GRAMD2B: variants seen among roughly 807,000 people sequenced by gnomAD.
The protein encoded by GRAMD2B is GRAM domain-containing protein 2B.
In GRAMD2B, 41 loss-of-function variants were observed where a neutral mutation model predicts 59.2. The ratio of observed to expected loss-of-function variants is 0.69; its 90% CI spans 0.54 to 0.90. The LOEUF (loss-of-function observed/expected upper bound fraction) is 0.90. Among genes scored for constraint, GRAMD2B ranks in the 40% least tolerant of loss-of-function variants. The pLI is 0.00. For missense variants in GRAMD2B, 424 were observed against 500.5 expected (o/e 0.85, Z 1.46); for synonymous variants, 161 against 182.7 (o/e 0.88, Z 0.96).
At chr5:126,374,028 G>A (rs898934153) in intron 1 of GRAMD2B, among the ~76,000 whole-genome samples, 2 of 152,220 alleles carry the variant, frequency 1.3e-5, no homozygotes, top group Non-Finnish European at 2.9e-5. Context: ...ATTTCCAGTT[G>A]TCTGAGCATT....
At chr5:126,371,557 G>A (rs1023727364) in exon 1 of GRAMD2B, 33 of 1,288,528 alleles carry the variant, frequency 2.6e-5, no homozygotes, top group Non-Finnish European at 3.1e-5. Flanking sequence ...CCCCAGCTCG[G>A]TGTTCCTCAG....
Position 126,428,221 on chromosome 5 carries a change from T to C in GRAMD2B, c.83+4532T>C, listed in dbSNP as rs535280747. On this transcript the variant is annotated intron_variant, in intron 1 of 13. Transcript: ENST00000285689. ...CTCCAGCCTGGGCAACATAACAAGA[T>C]CCAGTTCACTTTTCATTATAAACTT... is the stretch of plus-strand genomic sequence containing the variant. Among the ~76,000 whole-genome samples the C allele has an allele frequency of 4.0e-4, 61 of 152,212 alleles. No homozygotes were observed. The South Asian group carries it at 0.012, about 31-fold the overall frequency.
chr5:126,421,445 T>C (rs1489997648), upstream of GRAMD2B, among the ~76,000 whole-genome samples: 1 of 152,062 alleles, frequency 6.6e-6, no homozygotes, highest in Non-Finnish European at 1.5e-5. Context: ...GCATCAGGAA[T>C]GTCCCCAGGA....
At chr5:126,422,917 C>CA (rs1221537625), upstream of GRAMD2B, among the ~76,000 whole-genome samples, 13 of 150,198 alleles carry the variant, frequency 8.7e-5, no homozygotes, top group African/African-American at 3.2e-4. Context: ...CTCTAACCAC[C>CA]CCCCCCACCC....
At chr5:126,408,515 G>A (rs1385938953) in intron 1 of GRAMD2B, among the ~76,000 whole-genome samples, 1 of 150,752 alleles carries the variant, frequency 6.6e-6, no homozygotes, top group Admixed American at 6.6e-5. Flanking sequence ...TTTTTTGTTT[G>A]GTTGGTTGTT....
At chr5:126,489,115 A>G (rs1002857108) in intron 13 of GRAMD2B, among the ~76,000 whole-genome samples, 5 of 152,218 alleles carry the variant, frequency 3.3e-5, no homozygotes, top group African/African-American at 1.2e-4. Context: ...ATAGTCTTGT[A>G]GGTCTTTTGT....
intron 1 of GRAMD2B, among the ~76,000 whole-genome samples, chr5:126,459,835 T>C (rs765549098): frequency 9.2e-5 from 14 of 152,236 alleles, no homozygotes. Flanking sequence ...TGTTGAATAT[T>C]TGGGTATGCA....
intron 1 of GRAMD2B, among the ~76,000 whole-genome samples, chr5:126,437,982 A>G (rs1024679770): frequency 2.0e-5 from 3 of 152,136 alleles, no homozygotes; most frequent in Non-Finnish European, 2.9e-5. Flanking sequence ...ATTGGTGCAT[A>G]CTGGAATCTT....
chr5:126,430,190 G>A (rs1182259924), intron 1 of GRAMD2B, among the ~76,000 whole-genome samples: 2 of 152,066 alleles, frequency 1.3e-5, no homozygotes, highest in East Asian at 1.9e-4. Flanking sequence ...AGTTTGATTC[G>A]TTACCTTGAG....
chr5:126,493,220 G>A lies in GRAMD2B; in HGVS notation c.*264G>A. ...ACAGACCCATCTCTGGAGGTCTCAGGAAGGGCCCAGCGAACACACTCTCTT... is the reference window on the plus strand; with the variant it reads ...ACAGACCCATCTCTGGAGGTCTCAGAAAGGGCCCAGCGAACACACTCTCTT... On this transcript the variant is annotated 3_prime_UTR_variant, in exon 14 of 14. Coordinates refer to ENST00000285689, the MANE Select transcript of GRAMD2B (RefSeq NM_023927.4). 1 of 474,690 alleles carries A rather than the reference G, an allele frequency of 2.1e-6. No homozygotes were observed. Among genetic ancestry groups the A allele is most frequent in the Non-Finnish European group, 3.8e-6 (1 of 262,842 alleles). 29.4% of individuals were successfully genotyped at this position (474,690 alleles called of 1,614,324 possible).
intron 1 of GRAMD2B, among the ~76,000 whole-genome samples, chr5:126,373,546 G>A (rs1754935977): frequency 6.6e-6 from 1 of 152,350 alleles, no homozygotes; most frequent in South Asian, 2.1e-4. Context: ...ACAAGGCACA[G>A]AGGTTACAAT....
chr5:126,364,989 G>A (rs999599799), intron 1 of GRAMD2B, among the ~76,000 whole-genome samples: 1 of 152,154 alleles, frequency 6.6e-6, no homozygotes, highest in African/African-American at 2.4e-5. Context: ...ACTGTATTTA[G>A]TGAATATTGG....
chr5:126,492,958 C>G lies in GRAMD2B; in HGVS notation c.*2C>G, dbSNP rs528167377. 1 of 1,611,238 alleles carries G rather than the reference C, an allele frequency of 6.2e-7. No individual in the cohort carries two copies. On this transcript the variant is annotated 3_prime_UTR_variant, in exon 14 of 14. Coordinates refer to ENST00000285689, the MANE Select transcript of GRAMD2B (RefSeq NM_023927.4). ...AAGTTGCTTGAGAATGGTGACTGAT[C>G]GACCAGATTGCTTGGGCCATCGGAA...
At chr5:126,488,550 G>A (rs779214383) in intron 12 of GRAMD2B, among the ~76,000 whole-genome samples, 5 of 152,150 alleles carry the variant, frequency 3.3e-5, no homozygotes, top group Non-Finnish European at 7.4e-5. Context: ...TTTAGAAGCC[G>A]AAACACACCA....
chr5:126,407,234 T>G (rs1758339282), intron 1 of GRAMD2B, among the ~76,000 whole-genome samples: 1 of 151,982 alleles, frequency 6.6e-6, no homozygotes, highest in Non-Finnish European at 1.5e-5. Flanking sequence ...TGAGCTAATA[T>G]GATATTTTAG....
chr5:126,363,176 C>T (rs556097744), intron 1 of GRAMD2B, among the ~76,000 whole-genome samples: 1 of 152,252 alleles, frequency 6.6e-6, no homozygotes, highest in South Asian at 2.1e-4. Flanking sequence ...ATGGATTTTT[C>T]TCCAAAGAGA....
chr5:126,451,580 G>T (rs1415286296), intron 1 of GRAMD2B, among the ~76,000 whole-genome samples: 1 of 152,144 alleles, frequency 6.6e-6, no homozygotes, highest in Non-Finnish European at 1.5e-5. Context: ...GGTAGGAGAT[G>T]AGTCTCTTAC....
chr5:126,451,441 T>A (rs374704366), intron 1 of GRAMD2B, among the ~76,000 whole-genome samples: 1 of 152,194 alleles, frequency 6.6e-6, no homozygotes, highest in Non-Finnish European at 1.5e-5. Context: ...GTTTCAGACC[T>A]GTGTGGGGCC....
chr5:126,423,759 A>G lies in GRAMD2B; in HGVS notation c.83+70A>G, dbSNP rs187176394. ...GCAGCCTAAACTTCTCTGCCCCGGG[A>G]CGCATTTTGGGTGGATGCGGATTTC... On this transcript the variant is annotated intron_variant, in intron 1 of 13. Coordinates refer to ENST00000285689, the MANE Select transcript of GRAMD2B (RefSeq NM_023927.4). 6.0e-3 allele frequency: 8,967 copies of G among 1,483,962 alleles called. 43 individuals carry two copies. Among genetic ancestry groups the G allele is most frequent in the Middle Eastern group, 8.3e-3 (48 of 5,758 alleles). The allele number at this position is 1,483,962 out of a possible 1,614,324, so 91.9% of individuals were successfully genotyped here.
Sources: gnomAD v4.1 joint callset for allele counts (sites outside exome capture counted in the v4.1 genomes callset) on GRCh38, gnomAD v4.1.1 for gene constraint, MANE v1.5 for transcripts, NCBI Gene and HGNC (gene_info 2026-07-23, HGNC 2026-07-21) for gene names.